Variants in TEKT3 observed in about 807,000 individuals in gnomAD.
The protein encoded by TEKT3 is tektin-3.
TEKT3 carries 49 observed loss-of-function variants against 49.8 expected under a neutral mutation model. The ratio of observed to expected loss-of-function variants is 0.98; its 90% CI spans 0.78 to 1.25. The LOEUF (loss-of-function observed/expected upper bound fraction) is 1.25. Ranked by LOEUF, TEKT3 falls within the 50% of genes most tolerant of loss-of-function variation. The pLI is 0.00. For synonymous variants in TEKT3, 225 were observed against 237.2 expected, an observed-to-expected ratio of 0.95 and a Z score of 0.47; for missense variants, 595 against 629.5, an observed-to-expected ratio of 0.95 and a Z score of 0.59.
At chr17:15,343,104 A>G (rs142188181), upstream of TEKT3, among the ~76,000 whole-genome samples, 1,141 of 152,378 alleles carry the variant, frequency 7.5e-3, 16 homozygotes, top group African/African-American at 0.026. Context: ...CTGATTGCCC[A>G]CAAACTCTTT....
Position 15,331,161 on chromosome 17 carries a change from G to A in TEKT3, c.425C>T (p.Thr142Ile), listed in dbSNP as rs758755189. The A allele has an allele frequency of 1.2e-6, 2 of 1,614,210 alleles. No individual in the cohort carries two copies. Among genetic ancestry groups the A allele is most frequent in the South Asian group, 1.1e-5 (1 of 91,082 alleles). The change falls in exon 3 of 9, where the codon ACA (threonine) becomes ATA (isoleucine). Residue 142 changes from threonine to isoleucine, a missense_variant. By Grantham distance (89) the Thr-to-Ile change is moderately conservative. Transcript: ENST00000395930. ...GACACGTTCTCCCAGATTTTGGGTT[G>A]TGTCTGCCTGAGTTTTTCTTGTTTG... ...YQQTRKTQAD[T>I]TQNLGERVND... is the part of the protein sequence containing the mutation.
At position 15,308,711 on chromosome 17, in the gene TEKT3, G is replaced by C; in HGVS notation, c.1209C>G (p.Arg403=). Residue 403 remains arginine (R), a synonymous_variant, in exon 8 of 9, where the codon CGC becomes CGG. Coordinates refer to ENST00000395930, the MANE Select transcript of TEKT3 (RefSeq NM_031898.3). ...ACAACTCAATGTTCGGCCGTCTTGT[G>C]CGCTCATCCAGTCTGGTCTGAGCCA... is the stretch of plus-strand genomic sequence containing the variant. ...LKVAQTRLDE[R]TRRPNIELCR... The C allele has an allele frequency of 6.2e-7, 1 of 1,613,434 alleles. No homozygotes were observed.
At chr17:15,343,216 G>A (rs1912286139), upstream of TEKT3, among the ~76,000 whole-genome samples, 1 of 152,136 alleles carries the variant, frequency 6.6e-6, no homozygotes, top group South Asian at 2.1e-4. Flanking sequence ...AAAATAAACA[G>A]GTGAAATTAT....
At chr17:15,317,977 CT>C (rs371718658) in intron 5 of TEKT3, among the ~76,000 whole-genome samples, 43,012 of 137,308 alleles carry the variant, frequency 0.31, 6,785 homozygotes, top group East Asian at 0.46. Context: ...GGTCGGATCT[CT>C]TTTTTTTTTT....
intron 2 of TEKT3, among the ~76,000 whole-genome samples, chr17:15,337,244 C>A (rs1416742596): frequency 1.3e-5 from 2 of 151,664 alleles, no homozygotes; most frequent in African/African-American, 4.8e-5. Context: ...GTAAAGGTGT[C>A]CTGAGATAAA....
chr17:15,306,012 CT>C (rs1203870293), intron 8 of TEKT3, among the ~76,000 whole-genome samples: 5 of 149,904 alleles, frequency 3.3e-5, no homozygotes, highest in Admixed American at 2.7e-4. Flanking sequence ...TTTCTTTCTT[CT>C]TTTTTTTGGA....
In TEKT3 at chr17:15,308,658, C is replaced by A; in HGVS notation, c.1256+6G>T. The stretch of plus-strand genomic sequence containing the variant: ...GCGAGCCCCGAGCCTTCCCCTCCCA[C>A]CTTACCGTAGCTGAGCCATGTCTCG... On this transcript the variant is annotated splice_donor_region_variant and intron_variant, in intron 8 of 8. Coordinates refer to ENST00000395930, the MANE Select transcript of TEKT3 (RefSeq NM_031898.3). 6.2e-7 allele frequency: 1 copy of A among 1,602,598 alleles called. No homozygotes were observed. Among genetic ancestry groups the A allele is most frequent in the Non-Finnish European group, 8.5e-7 (1 of 1,171,980 alleles).
rs766528954 is a variant in TEKT3 at position 15,331,327 on chromosome 17, T to C, written c.259A>G (p.Arg87Gly). 2.5e-6 allele frequency: 4 copies of C among 1,614,254 alleles called. No individual in the cohort carries two copies. Among genetic ancestry groups the C allele is most frequent in the East Asian group, 2.2e-5 (1 of 44,890 alleles). ...GTGTATCTTGTGAAGAAAGTGGTTC[T>C]GTTGGAAACAAAGGGAAGCATGGTA... The part of the protein sequence containing the change: ...ENTMLPFVSN[R>G]TTFFTRYTPD... The change falls in exon 3 of 9, where the codon AGA becomes GGA. Residue 87 changes from arginine (R) to glycine (G), a missense_variant. By Grantham distance (125) the Arg-to-Gly change is moderately radical. Coordinates refer to ENST00000395930, the MANE Select transcript of TEKT3 (RefSeq NM_031898.3).
chr17:15,306,081 T>TTTTA (rs1555528983), intron 8 of TEKT3, among the ~76,000 whole-genome samples: 2 of 132,812 alleles, frequency 1.5e-5, no homozygotes, highest in South Asian at 2.3e-4. Context: ...CACAGTTTAT[T>TTTTA]TATATATATG....
intron 2 of TEKT3, among the ~76,000 whole-genome samples, chr17:15,336,790 T>C (rs1377654260): frequency 6.6e-6 from 1 of 152,182 alleles, no homozygotes; most frequent in Admixed American, 6.5e-5. Context: ...TTGCAAACTT[T>C]AGAATAGCCA....
In TEKT3 at chr17:15,331,215, G is replaced by A; in HGVS notation, c.371C>T (p.Thr124Ile). The stretch of plus-strand genomic sequence containing the variant: ...ATATTTGTCTTGAATCAGGCGAGAT[G>A]TATCCACTCTTAGTTTCTCCGAATT... ...RHNSEKLRVD[T>I]SRLIQDKYQQ... Residue 124 changes from threonine to isoleucine, a missense_variant, in exon 3 of 9, where the codon ACA becomes ATA. Thr to Ile is a moderately conservative substitution (Grantham distance 89). Transcript: ENST00000395930. 6.2e-7 allele frequency: 1 copy of A among 1,614,228 alleles called. No homozygotes were observed. Among genetic ancestry groups the A allele is most frequent in the Non-Finnish European group, 8.5e-7 (1 of 1,180,044 alleles).
chr17:15,319,130 C>A lies in TEKT3; in HGVS notation c.681G>T (p.Leu227=). The change falls in exon 5 of 9, where the codon CTG becomes CTT. Residue 227 remains leucine, a synonymous_variant. Coordinates refer to ENST00000395930, the MANE Select transcript of TEKT3 (RefSeq NM_031898.3). ...AQLLTEVDTI[L]CCQERMKLHL... The stretch of plus-strand genomic sequence containing the variant: ...GTAGCTTCATTCTTTCTTGACAACA[C>A]AGAATAGTATCAACTTCCTACTCAA... 6.2e-7 allele frequency: 1 copy of A among 1,608,804 alleles called. No homozygotes were observed. Among genetic ancestry groups the A allele is most frequent in the Non-Finnish European group, 8.5e-7 (1 of 1,178,116 alleles).
chr17:15,330,891 A>T, intron 3 of TEKT3, 116 bp downstream of exon 3: 1 of 1,049,304 alleles, frequency 9.5e-7, no homozygotes, highest in Non-Finnish European at 1.3e-6. Context: ...ATTTATTGAT[A>T]GGGGGTTGGC....
At chr17:15,324,707 T>A (rs1304877201) in intron 4 of TEKT3, among the ~76,000 whole-genome samples, 1 of 152,214 alleles carries the variant, frequency 6.6e-6, no homozygotes, top group East Asian at 1.9e-4. Flanking sequence ...TGACAGTTAT[T>A]TATATATTCT....
chr17:15,316,584 C>A (rs1341489871), intron 5 of TEKT3, among the ~76,000 whole-genome samples: 1 of 152,106 alleles, frequency 6.6e-6, no homozygotes, highest in Admixed American at 6.5e-5. Context: ...ATCAATGAAG[C>A]AAAATTGCAC....
At chr17:15,333,161 A>G (rs1911840321) in intron 2 of TEKT3, among the ~76,000 whole-genome samples, 1 of 152,156 alleles carries the variant, frequency 6.6e-6, no homozygotes, top group Admixed American at 6.5e-5. Context: ...GATGCCACAG[A>G]CCACTACGTA....
rs781562446 is a variant in TEKT3 at position 15,308,801 on chromosome 17, G to A, written c.1119C>T (p.Phe373=). The A allele has an allele frequency of 6.2e-6, 10 of 1,613,862 alleles. No individual in the cohort carries two copies. The Admixed American group carries it at 1.7e-4, about 27-fold the overall frequency. Residue 373 remains phenylalanine (F), a synonymous_variant, in exon 8 of 9, where the codon TTC becomes TTT. Coordinates refer to ENST00000395930, the MANE Select transcript of TEKT3 (RefSeq NM_031898.3). The part of the protein sequence containing the change: ...THLAKTLQEI[F]QTEMTIESIK... ...TGGATTCTATGGTCATTTCAGTCTGGAAAATCTCCTGCAGGGTCTGTGACA... is the reference window on the plus strand; with the variant it reads ...TGGATTCTATGGTCATTTCAGTCTGAAAAATCTCCTGCAGGGTCTGTGACA...
upstream of TEKT3, among the ~76,000 whole-genome samples, chr17:15,341,999 C>A (rs1912251233): frequency 6.6e-6 from 1 of 152,194 alleles, no homozygotes; most frequent in Non-Finnish European, 1.5e-5. Context: ...AAGCCCCCAC[C>A]TTTCCTGACC....
intron 4 of TEKT3, among the ~76,000 whole-genome samples, chr17:15,327,340 A>C (rs1436875324): frequency 6.6e-6 from 1 of 152,022 alleles, no homozygotes; most frequent in Non-Finnish European, 1.5e-5. Flanking sequence ...ACATGGCGAA[A>C]TCCCATCTCT....
Sources: allele counts gnomAD v4.1 joint callset (sites outside exome capture counted in the v4.1 genomes callset), GRCh38; gene constraint gnomAD v4.1.1; transcripts MANE v1.5; gene names NCBI Gene and HGNC (gene_info 2026-07-23, HGNC 2026-07-21).